The following TMBIM4 variants were observed in gnomAD, a reference collection of about 807,000 sequenced individuals.
The protein encoded by TMBIM4 is protein lifeguard 4.
In TMBIM4, 28 loss-of-function variants were observed where a neutral mutation model predicts 27.7. The observed-to-expected ratio is 1.01, with a 90% CI of 0.75 to 1.38. The LOEUF (loss-of-function observed/expected upper bound fraction) is 1.38. Ranked by LOEUF, TMBIM4 falls within the 40% of genes most tolerant of loss-of-function variation. The pLI is 0.00. For synonymous variants in TMBIM4, 115 were observed against 113.1 expected, an observed-to-expected ratio of 1.02 and a Z score of -0.11; for missense variants, 265 against 277.5, an observed-to-expected ratio of 0.95 and a Z score of 0.32.
chr12:66,167,061 T>C (rs1222892032), intron 1 of TMBIM4, among the ~76,000 whole-genome samples: 3 of 152,124 alleles, frequency 2.0e-5, no homozygotes, highest in East Asian at 3.8e-4. Flanking sequence ...ATTCCAACTA[T>C]ACAGCATTTG....
intron 4 of TMBIM4, among the ~76,000 whole-genome samples, chr12:66,147,110 G>T (rs2051764509): frequency 6.6e-6 from 1 of 151,830 alleles, no homozygotes; most frequent in Non-Finnish European, 1.5e-5. Flanking sequence ...CTGTTAAGAA[G>T]CTTCAATCCT....
chr12:66,145,133 T>C (rs756258079), intron 5 of TMBIM4, among the ~76,000 whole-genome samples: 170 of 152,192 alleles, frequency 1.1e-3, no homozygotes, highest in Non-Finnish European at 2.1e-3. Context: ...CAATTGTCAG[T>C]GTTGGCTGAC....
chr12:66,151,325 G>A (rs1003876037), intron 3 of TMBIM4, among the ~76,000 whole-genome samples: 5 of 151,948 alleles, frequency 3.3e-5, no homozygotes, highest in South Asian at 2.1e-4. Flanking sequence ...CCTCCACCCC[G>A]CAACCCCGTT....
intron 5 of TMBIM4, 64 bp downstream of exon 5, chr12:66,145,777 C>A (rs2051740783): frequency 3.0e-6 from 3 of 991,018 alleles, no homozygotes; most frequent in Non-Finnish European, 4.6e-6. Flanking sequence ...TAGCACATTC[C>A]TCAAAACCAC....
intron 1 of TMBIM4, among the ~76,000 whole-genome samples, chr12:66,166,782 T>C (rs2052138288): frequency 6.6e-6 from 1 of 152,244 alleles, no homozygotes; most frequent in South Asian, 2.1e-4. Flanking sequence ...ACACGGCAAT[T>C]GTGCTGCTTG....
chr12:66,158,151 G>A (rs538397875), intron 1 of TMBIM4, among the ~76,000 whole-genome samples: 4 of 151,340 alleles, frequency 2.6e-5, no homozygotes, highest in South Asian at 2.1e-4. Context: ...GCATGAACCC[G>A]GGAGGCGGAG....
At chr12:66,149,188 C>A (rs1022794744) in intron 3 of TMBIM4, among the ~76,000 whole-genome samples, 1 of 152,036 alleles carries the variant, frequency 6.6e-6, no homozygotes, top group African/African-American at 2.4e-5. Context: ...GACGTGTAAT[C>A]CCAGTACTCT....
chr12:66,139,101 A>G (rs1296640974), intron 5 of TMBIM4, among the ~76,000 whole-genome samples: 2 of 152,244 alleles, frequency 1.3e-5, no homozygotes, highest in African/African-American at 4.8e-5. Context: ...AAAAACTTTT[A>G]GAAAATATAT....
chr12:66,144,189 C>T (rs2051714901), intron 5 of TMBIM4, among the ~76,000 whole-genome samples: 3 of 152,080 alleles, frequency 2.0e-5, no homozygotes, highest in Admixed American at 2.0e-4. Context: ...TGTAGTAATA[C>T]AGGTAAGAGG....
chr12:66,166,267 C>G (rs939049074), intron 1 of TMBIM4, among the ~76,000 whole-genome samples: 14 of 151,948 alleles, frequency 9.2e-5, no homozygotes, highest in African/African-American at 3.4e-4. Flanking sequence ...GAGTTTGAGA[C>G]CAGCCTGACT....
chr12:66,160,424 T>G, intron 1 of TMBIM4: 1 of 561,092 alleles, frequency 1.8e-6, no homozygotes, highest in East Asian at 2.9e-5. Flanking sequence ...GGATGTTCCC[T>G]GAGGCACTAT....
intron 1 of TMBIM4, among the ~76,000 whole-genome samples, chr12:66,157,472 G>T (rs1432026174): frequency 1.3e-5 from 2 of 152,118 alleles, no homozygotes; most frequent in African/African-American, 4.8e-5. Context: ...CAGAAACTGA[G>T]ATAATGTTTA....
intron 1 of TMBIM4, chr12:66,160,335 C>T: frequency 1.5e-6 from 1 of 659,958 alleles, no homozygotes; most frequent in East Asian, 2.8e-5. Context: ...TTAAAATGCA[C>T]ATACTCTTTT....
intron 1 of TMBIM4, among the ~76,000 whole-genome samples, chr12:66,156,290 A>AAATTTGCTGTTCTCCC (rs1455823117): frequency 6.6e-6 from 1 of 152,226 alleles, no homozygotes; most frequent in Non-Finnish European, 1.5e-5. Flanking sequence ...TCATTTATCC[A>AAATTTGCTGTTCTCCC]AATTTGCTGT....
At chr12:66,150,699 G>A (rs1170233237) in intron 3 of TMBIM4, among the ~76,000 whole-genome samples, 1 of 152,166 alleles carries the variant, frequency 6.6e-6, no homozygotes, top group Non-Finnish European at 1.5e-5. Flanking sequence ...ACAGGCGTGA[G>A]CCACCACGCC....
At chr12:66,155,497 G>A (rs1049029984) in intron 1 of TMBIM4, among the ~76,000 whole-genome samples, 13 of 152,002 alleles carry the variant, frequency 8.6e-5, no homozygotes, top group Non-Finnish European at 1.5e-4. Context: ...ATGCCACTAC[G>A]CCCAGCTAAT....
chr12:66,146,134 A>C (rs2051748653), intron 4 of TMBIM4, among the ~76,000 whole-genome samples, 176 bp from the exon 5 acceptor site: 1 of 152,186 alleles, frequency 6.6e-6, no homozygotes. Context: ...CACACCCATA[A>C]TGCAATTAAC....
In TMBIM4 at chr12:66,152,252, A is replaced by G. The variant is rs766474940; in HGVS notation, c.312+19T>C. 8.4e-5 allele frequency: 122 copies of G among 1,450,852 alleles called. 1 individual carries two copies. Among genetic ancestry groups the G allele is most frequent in the Non-Finnish European group, 1.0e-4 (108 of 1,052,258 alleles). 89.9% of individuals were successfully genotyped at this position (1,450,852 alleles called of 1,614,324 possible). A position where few individuals can be genotyped will look rare whatever the true frequency, so the allele number is the denominator to read the frequency against. ...TCAGGAATAATTGTTAAGGGAATAG[A>G]GAAAGTCAGAGTACTCACAAATCCA... On this transcript the variant is annotated intron_variant, in intron 3 of 6. Coordinates refer to ENST00000358230, the MANE Select transcript of TMBIM4 (RefSeq NM_016056.4).
intron 1 of TMBIM4, among the ~76,000 whole-genome samples, chr12:66,166,464 CAAA>C (rs59822799): frequency 1.6e-4 from 16 of 100,688 alleles, no homozygotes; most frequent in African/African-American, 5.6e-4. Context: ...TACTTTGTCT[CAAA>C]AAAAAAAAAA....
Sources: gnomAD v4.1 joint callset for allele counts (sites outside exome capture counted in the v4.1 genomes callset) on GRCh38, gnomAD v4.1.1 for gene constraint, MANE v1.5 for transcripts, NCBI Gene and HGNC (gene_info 2026-07-23, HGNC 2026-07-21) for gene names.